ATP11B: variants seen among roughly 807,000 people sequenced by gnomAD.
ATP11B encodes ATPase phospholipid transporting 11B (putative).
A neutral mutation model predicts 157.8 loss-of-function variants in ATP11B; 81 were observed. The ratio of observed to expected loss-of-function variants is 0.51; its 90% CI spans 0.43 to 0.62. The LOEUF (loss-of-function observed/expected upper bound fraction) is 0.62, where lower values mean the gene tolerates loss of function less well. Among genes scored for constraint, ATP11B ranks in the 20% least tolerant of loss-of-function variants. The probability of loss-of-function intolerance (pLI) is 0.00; values close to 1 mark genes in which losing one functional copy is unlikely to be tolerated. For synonymous variants in ATP11B, 451 were observed against 469.4 expected (o/e 0.96, Z 0.51); for missense variants, 1,165 against 1,402.2 (o/e 0.83, Z 2.70).
rs1049865843 is a variant in ATP11B at position 182,803,986 on chromosome 3, C to CT, written c.27+10209dup. 1.8e-4 allele frequency among the ~76,000 whole-genome samples: 27 copies of CT among 151,538 alleles called. No individual in the cohort carries two copies. The South Asian group carries it at 1.9e-3, about 11-fold the overall frequency. ...ATTTGGCAGGCAGAACCCCCACCTT[C>CT]TTTTTTTTTCTTTTTACAATTATAC... On this transcript the variant is annotated intron_variant, in intron 1 of 29. Transcript: ENST00000323116.
At chr3:182,808,855 G>A (rs921894066) in intron 1 of ATP11B, among the ~76,000 whole-genome samples, 20 of 152,000 alleles carry the variant, frequency 1.3e-4, no homozygotes, top group Non-Finnish European at 2.1e-4. Context: ...ACTGTGCAGC[G>A]TTTGTTACAC....
intron 8 of ATP11B, among the ~76,000 whole-genome samples, chr3:182,843,253 A>C (rs1719192140): frequency 6.6e-6 from 1 of 152,258 alleles, no homozygotes; most frequent in African/African-American, 2.4e-5. Flanking sequence ...GGCAGCAGCA[A>C]GTGAGGATGA....
rs1423158351 is a variant in ATP11B, at chr3:182,842,109, G to T, written c.691G>T (p.Glu231Ter). ...MGRMIITQQMEEIVRPLGPES... is the reference protein window; with the variant it reads ...MGRMIITQQM ...ACGAATGATCATAACCCAACAAATG[G>T]AAGAAATTGTAAGGTAAGAATTAAT... is the stretch of plus-strand genomic sequence containing the variant. Residue 231 changes from glutamate (E) to a stop codon, truncating the protein, a stop_gained, in exon 8 of 30, where the codon GAA (glutamate) becomes TAA (stop). Coordinates refer to ENST00000323116, the MANE Select transcript of ATP11B (RefSeq NM_014616.3). LOFTEE classifies it high-confidence loss of function. The T allele has an allele frequency of 1.2e-6, 2 of 1,605,242 alleles. No individual in the cohort carries two copies. Among genetic ancestry groups the T allele is most frequent in the Non-Finnish European group, 1.7e-6 (2 of 1,172,940 alleles).
intron 10 of ATP11B, 76 bp downstream of exon 10, chr3:182,848,633 AT>A: frequency 1.8e-6 from 1 of 550,062 alleles, no homozygotes; most frequent in Middle Eastern, 6.6e-4. Flanking sequence ...AAAATATTAT[AT>A]ATATAATATA....
chr3:182,814,369 G>A (rs1166899381), intron 1 of ATP11B, among the ~76,000 whole-genome samples: 2 of 152,116 alleles, frequency 1.3e-5, no homozygotes, highest in Non-Finnish European at 2.9e-5. Flanking sequence ...CCAGCCTTTA[G>A]TGATATTTTA....
chr3:182,912,270 G>A (rs1376436643), intron 28 of ATP11B, among the ~76,000 whole-genome samples: 10 of 152,134 alleles, frequency 6.6e-5, no homozygotes, highest in Non-Finnish European at 1.5e-4. Context: ...AATATTTGCT[G>A]GTTGGTGGGT....
intron 1 of ATP11B, among the ~76,000 whole-genome samples, chr3:182,817,221 C>T (rs1336157960): frequency 1.3e-5 from 2 of 151,080 alleles, no homozygotes; most frequent in Non-Finnish European, 2.9e-5. Flanking sequence ...TATAGAATTG[C>T]TCTATAGGAT....
Position 182,865,689 on chromosome 3 carries a change from A to C in ATP11B, c.1434A>C (p.Glu478Asp). 1 of 1,610,798 alleles carries C rather than the reference A, an allele frequency of 6.2e-7. No individual in the cohort carries two copies. Among genetic ancestry groups the C allele is most frequent in the Non-Finnish European group, 8.5e-7 (1 of 1,178,292 alleles). Residue 478 changes from glutamate to aspartate, a missense_variant, in exon 13 of 30, where the codon GAA (glutamate) becomes GAC (aspartate). By Grantham distance (45) the Glu-to-Asp change is conservative. Around this residue, in one of 4 missense-constraint regions of ATP11B, gnomAD observed 737 missense variants for 930.5 expected, o/e 0.79. Coordinates refer to ENST00000323116, the MANE Select transcript of ATP11B (RefSeq NM_014616.3). ...CTTTCAGAACCAGTCCTGAAAATGA[A>C]ACTGAACTAGTAAGTAATTTTTAAA... ...SSSFRTSPEN[E>D]TELIKEHDLF...
At chr3:182,856,985 C>T (rs919817211) in intron 10 of ATP11B, among the ~76,000 whole-genome samples, 2 of 152,108 alleles carry the variant, frequency 1.3e-5, no homozygotes, top group African/African-American at 4.8e-5. Context: ...TGTTTTTAAA[C>T]TTAAAGACAT....
intron 29 of ATP11B, chr3:182,916,670 TTC>T (rs1725162637): frequency 1.0e-6 from 1 of 983,912 alleles, no homozygotes; most frequent in African/African-American, 1.7e-5. Flanking sequence ...GTGTTTAATG[TTC>T]TGTCAAAAAT....
At chr3:182,916,616 C>G (rs1725159240) in intron 29 of ATP11B, 1 of 984,278 alleles carries the variant, frequency 1.0e-6, no homozygotes, top group African/African-American at 1.7e-5. Flanking sequence ...CTACTGTATC[C>G]TCATCAAAAC....
intron 1 of ATP11B, among the ~76,000 whole-genome samples, chr3:182,815,604 T>A (rs996132340): frequency 1.3e-5 from 2 of 152,208 alleles, no homozygotes; most frequent in Non-Finnish European, 2.9e-5. Context: ...AATAACCTAA[T>A]ACAGTTTTGA....
At chr3:182,834,162 C>G (rs1464746071) in intron 4 of ATP11B, among the ~76,000 whole-genome samples, 1 of 152,124 alleles carries the variant, frequency 6.6e-6, no homozygotes, top group African/African-American at 2.4e-5. Context: ...GTGCTTTTGA[C>G]AGTTTCAGAA....
At chr3:182,839,502 GA>G (rs1718826789) in intron 7 of ATP11B, among the ~76,000 whole-genome samples, 1 of 152,066 alleles carries the variant, frequency 6.6e-6, no homozygotes, top group Admixed American at 6.6e-5. Context: ...GATAGCTGCA[GA>G]AAGAAAAACC....
rs761051610 is a variant in ATP11B at position 182,845,445 on chromosome 3, CTT to C, written c.705-7_705-6del. On this transcript the variant is annotated splice_polypyrimidine_tract_variant and intron_variant, in intron 8 of 29. Coordinates refer to ENST00000323116, the MANE Select transcript of ATP11B (RefSeq NM_014616.3). ...ATATTCAGTGCTTTATGGTTATTTT[CTT>C]TTTTTCCTAGACCTCTGGGGCCGGA... is the stretch of plus-strand genomic sequence containing the variant. 5.0e-6 allele frequency: 8 copies of C among 1,586,954 alleles called. No individual in the cohort carries two copies. The highest frequency in any genetic ancestry group is 6.0e-6 in the Non-Finnish European group (7 of 1,172,640).
intron 10 of ATP11B, among the ~76,000 whole-genome samples, chr3:182,855,255 A>G (rs531032851): frequency 1.3e-5 from 2 of 152,330 alleles, no homozygotes; most frequent in Non-Finnish European, 2.9e-5. Flanking sequence ...CAACACTAAT[A>G]GGCCCAATTG....
Position 182,919,290 on chromosome 3 carries a change from A to G in ATP11B, c.*1186A>G, listed in dbSNP as rs570888442. The G allele has an allele frequency of 2.6e-5, 4 of 152,742 alleles. No individual in the cohort carries two copies. The South Asian group carries it at 8.3e-4, about 32-fold the overall frequency. The allele number at this position is 152,742 out of a possible 1,614,324, so 9.5% of individuals were successfully genotyped here. A position where few individuals can be genotyped will look rare whatever the true frequency, so the allele number is the denominator to read the frequency against. On this transcript the variant is annotated 3_prime_UTR_variant, in exon 30 of 30. Coordinates refer to ENST00000323116, the MANE Select transcript of ATP11B (RefSeq NM_014616.3). Reference sequence around the variant, plus strand: ...TTCTGCCAGTGTCCCAGTACAAGGCATATTTCAGGTGTGGCTGTGGAATGT... The same window carrying G: ...TTCTGCCAGTGTCCCAGTACAAGGCGTATTTCAGGTGTGGCTGTGGAATGT...
At chr3:182,855,960 G>A (rs1720367605) in intron 10 of ATP11B, among the ~76,000 whole-genome samples, 1 of 152,096 alleles carries the variant, frequency 6.6e-6, no homozygotes, top group Admixed American at 6.5e-5. Context: ...TACCCACTCT[G>A]GAAGATAGTT....
chr3:182,917,186 A>C, intron 29 of ATP11B: 1 of 985,360 alleles, frequency 1.0e-6, no homozygotes, highest in Non-Finnish European at 1.2e-6. Context: ...CTGTTTAGGG[A>C]AGGTGGGAAC....
Sources: gnomAD v4.1 joint callset for allele counts (sites outside exome capture counted in the v4.1 genomes callset) on GRCh38, gnomAD v4.1.1 for gene constraint, gnomAD v4.1.1 regional missense constraint, MANE v1.5 for transcripts, NCBI Gene and HGNC (gene_info 2026-07-23, HGNC 2026-07-21) for gene names.